HSPA4L: variants seen among roughly 807,000 people sequenced by gnomAD.
The protein encoded by HSPA4L is heat shock 70 kDa protein 4L.
HSPA4L carries 48 observed loss-of-function variants against 100.3 expected under a neutral mutation model. The ratio of observed to expected loss-of-function variants is 0.48; its 90% CI spans 0.38 to 0.61. HSPA4L has a LOEUF of 0.61. Among genes scored for constraint, HSPA4L ranks in the 20% least tolerant of loss-of-function variants. The pLI is 0.00. For missense variants in HSPA4L, 886 were observed against 988.6 expected, an observed-to-expected ratio of 0.90 and a Z score of 1.39; for synonymous variants, 319 against 328.2, an observed-to-expected ratio of 0.97 and a Z score of 0.30.
intron 1 of HSPA4L, among the ~76,000 whole-genome samples, chr4:127,788,909 T>G (rs1205513406): frequency 6.6e-6 from 1 of 152,230 alleles, no homozygotes; most frequent in Non-Finnish European, 1.5e-5. Context: ...GATTTAAACC[T>G]ATGGATTACA....
chr4:127,829,091 G>A (rs1734017889), intron 17 of HSPA4L, among the ~76,000 whole-genome samples: 1 of 152,174 alleles, frequency 6.6e-6, no homozygotes, highest in Admixed American at 6.5e-5. Context: ...AGGGTTGGAA[G>A]AGGTTTGTCA....
intron 18 of HSPA4L, among the ~76,000 whole-genome samples, chr4:127,831,521 AAAGG>A (rs1299789381): frequency 6.6e-6 from 1 of 151,438 alleles, no homozygotes; most frequent in African/African-American, 2.4e-5. Context: ...AAAAAAAAAA[AAAGG>A]AAGCAATCTA....
intron 1 of HSPA4L, among the ~76,000 whole-genome samples, chr4:127,792,269 A>T (rs1380918848): frequency 6.6e-6 from 1 of 152,206 alleles, no homozygotes; most frequent in Non-Finnish European, 1.5e-5. Context: ...CTATCTTATC[A>T]AATTGTCCTA....
At chr4:127,807,909 A>G in intron 10 of HSPA4L, 87 bp from the exon 11 acceptor site, 1 of 1,318,824 alleles carries the variant, frequency 7.6e-7, no homozygotes, top group Non-Finnish European at 1.0e-6. Flanking sequence ...GTTGCTGCTA[A>G]TGAATTAAGA....
chr4:127,790,678 A>G (rs1382354554), intron 1 of HSPA4L, among the ~76,000 whole-genome samples: 1 of 152,190 alleles, frequency 6.6e-6, no homozygotes, highest in East Asian at 1.9e-4. Context: ...AGAGTTTGTG[A>G]CTGTCCTGTC....
Position 127,830,660 on chromosome 4 carries a change from A to G in HSPA4L, c.2189A>G (p.Asp730Gly), listed in dbSNP as rs144266138. Residue 730 changes from aspartate (D) to glycine (G), a missense_variant, in exon 18 of 19, where the codon GAT (aspartate) becomes GGT (glycine). Physicochemically the swap from Asp to Gly is moderately conservative, Grantham distance 94. Transcript: ENST00000296464. ...TAGGATGAAAGATATGATCATCTGGATCCTACTGAAATGGAAAAGGTTGAA... is the reference window on the plus strand; with the variant it reads ...TAGGATGAAAGATATGATCATCTGGGTCCTACTGAAATGGAAAAGGTTGAA... ...RNKDERYDHLDPTEMEKVEKC... is the reference protein window; with the variant it reads ...RNKDERYDHLGPTEMEKVEKC... 10 of 1,598,642 alleles carry G rather than the reference A, an allele frequency of 6.3e-6. No homozygotes were observed. In the East Asian group the frequency reaches 2.3e-4, roughly 36 times the overall value.
chr4:127,795,709 T>G, intron 2 of HSPA4L, 59 bp from the exon 3 acceptor site: 1 of 1,556,200 alleles, frequency 6.4e-7, no homozygotes, highest in Non-Finnish European at 8.8e-7. Flanking sequence ...AGTACTAGGA[T>G]AGAATTTTAT....
chr4:127,814,686 G>T (rs1233850060), intron 12 of HSPA4L, among the ~76,000 whole-genome samples: 1 of 152,018 alleles, frequency 6.6e-6, no homozygotes, highest in Non-Finnish European at 1.5e-5. Context: ...TCCTGCCTCA[G>T]CCTTCTAGTA....
chr4:127,815,041 G>A (rs937714571), intron 12 of HSPA4L, among the ~76,000 whole-genome samples: 14 of 151,944 alleles, frequency 9.2e-5, no homozygotes, highest in Non-Finnish European at 1.8e-4. Flanking sequence ...AAGATAATAA[G>A]TTCTTCTTTT....
Position 127,786,098 on chromosome 4 carries a change from T to C in HSPA4L, c.107+3441T>C, listed in dbSNP as rs138515541. Among the ~76,000 whole-genome samples the C allele has an allele frequency of 2.0e-5, 3 of 152,344 alleles. No homozygotes were observed. In the East Asian group the frequency reaches 5.8e-4, roughly 29 times the overall value. ...GTATCAAATTAAAGCGTGTGGTAAA[T>C]TGGAATAGTGATTGCTATGTGCTAA... On this transcript the variant is annotated intron_variant, in intron 1 of 18. Coordinates refer to ENST00000296464, the MANE Select transcript of HSPA4L (RefSeq NM_014278.4).
chr4:127,794,000 T>C, intron 1 of HSPA4L, 77 bp from the exon 2 acceptor site: 1 of 924,372 alleles, frequency 1.1e-6, no homozygotes, highest in Non-Finnish European at 1.6e-6. Context: ...AAATTCATTT[T>C]CTTATAAGGA....
chr4:127,801,878 A>G lies in HSPA4L; in HGVS notation c.623A>G (p.Tyr208Cys), dbSNP rs1733194430. ...TTTATTGATATGGGACATTCTGCCT[A>G]TCAGGTCTTGGTTTGTGCTTTTAAC... is the stretch of plus-strand genomic sequence containing the variant. ...VVFIDMGHSA[Y>C]QVLVCAFNKG... The change falls in exon 6 of 19, where the codon TAT becomes TGT. Residue 208 changes from tyrosine (Y) to cysteine (C), a missense_variant. By Grantham distance (194) the Tyr-to-Cys change is radical. Transcript: ENST00000296464. The G allele has an allele frequency of 1.2e-6, 2 of 1,610,244 alleles. No individual in the cohort carries two copies. The highest frequency in any genetic ancestry group is 2.2e-5 in the East Asian group (1 of 44,808).
rs1334714093 is a variant in HSPA4L at position 127,833,171 on chromosome 4, T to A, written c.*297T>A. The A allele has an allele frequency of 4.3e-6, 1 of 233,060 alleles. No homozygotes were observed. The highest frequency in any genetic ancestry group is 8.2e-6 in the Non-Finnish European group (1 of 121,372). 14.4% of individuals were successfully genotyped at this position (233,060 alleles called of 1,614,324 possible). A position where few individuals can be genotyped will look rare whatever the true frequency, so the allele number is the denominator to read the frequency against. On this transcript the variant is annotated 3_prime_UTR_variant, in exon 19 of 19. Coordinates refer to ENST00000296464, the MANE Select transcript of HSPA4L (RefSeq NM_014278.4). ...GCAACAGTCTACCTTATTTAAAGCT[T>A]CTACTGGGATAAACCTCAATTCCTT...
upstream of HSPA4L, chr4:127,782,092 G>A (rs1360063580): frequency 2.2e-6 from 1 of 451,444 alleles, no homozygotes; most frequent in South Asian, 1.6e-5. Flanking sequence ...GATCCTCCCC[G>A]CCCCGCCTTC....
At chr4:127,818,648 G>A (rs1210749261) in intron 13 of HSPA4L, among the ~76,000 whole-genome samples, 1 of 151,970 alleles carries the variant, frequency 6.6e-6, no homozygotes, top group Non-Finnish European at 1.5e-5. Flanking sequence ...TAGGAAAAAA[G>A]ATACATTTTT....
At chr4:127,810,266 A>C (rs1201649322) in intron 11 of HSPA4L, among the ~76,000 whole-genome samples, 1 of 152,198 alleles carries the variant, frequency 6.6e-6, no homozygotes, top group African/African-American at 2.4e-5. Context: ...TTTTCTATGT[A>C]CTGCTTTATA....
At chr4:127,805,609 A>G (rs1191095659) in intron 9 of HSPA4L, 78 bp from the exon 10 acceptor site, 5 of 1,057,366 alleles carry the variant, frequency 4.7e-6, no homozygotes, top group Admixed American at 4.1e-5. Flanking sequence ...GGAGGACTCT[A>G]TTAAGCAGTT....
At chr4:127,798,813 T>A in intron 4 of HSPA4L, 104 bp downstream of exon 4, 1 of 1,031,544 alleles carries the variant, frequency 9.7e-7, no homozygotes, top group Non-Finnish European at 1.4e-6. Flanking sequence ...CCTTATCCAG[T>A]AAATAACCTA....
chr4:127,803,100 G>A (rs3775981), intron 6 of HSPA4L, among the ~76,000 whole-genome samples: 1 of 151,816 alleles, frequency 6.6e-6, no homozygotes, highest in Non-Finnish European at 1.5e-5. Context: ...TTTTTTTGTT[G>A]GTTGGTTTTT....
Sources: gnomAD v4.1 joint callset for allele counts (sites outside exome capture counted in the v4.1 genomes callset) on GRCh38, gnomAD v4.1.1 for gene constraint, MANE v1.5 for transcripts, NCBI Gene and HGNC (gene_info 2026-07-23, HGNC 2026-07-21) for gene names.